The following SNTG1 variants were observed in gnomAD, a reference collection of about 807,000 sequenced individuals.
SNTG1 encodes gamma-1-syntrophin.
Under a neutral mutation model 74.7 loss-of-function variants are expected in SNTG1, and 39 were observed. The ratio of observed to expected loss-of-function variants is 0.52; its 90% CI spans 0.40 to 0.68. The LOEUF is 0.68. Ranked by LOEUF, SNTG1 falls within the 30% of genes least tolerant of loss-of-function variation. The pLI, the probability that SNTG1 is intolerant of heterozygous loss-of-function variation, is 0.00. For synonymous variants in SNTG1, 254 were observed against 217.1 expected (o/e 1.17, Z -1.49); for missense variants, 685 against 609.5 (o/e 1.12, Z -1.30).
At chr8:49,964,877 T>C (rs1811005293) in intron 1 of SNTG1, among the ~76,000 whole-genome samples, 1 of 152,222 alleles carries the variant, frequency 6.6e-6, no homozygotes. Context: ...GTGTATTTCA[T>C]TTTTTCTATA....
chr8:50,326,825 T>G (rs1287080269), intron 2 of SNTG1, among the ~76,000 whole-genome samples: 1 of 152,068 alleles, frequency 6.6e-6, no homozygotes, highest in East Asian at 1.9e-4. Context: ...ATGCAGTATA[T>G]GTCCTAAATT....
chr8:50,654,612 T>C (rs1585973616), intron 13 of SNTG1, among the ~76,000 whole-genome samples: 1 of 152,348 alleles, frequency 6.6e-6, no homozygotes, highest in South Asian at 2.1e-4. Context: ...CATGAAGTTT[T>C]ATTTCCTTAT....
At chr8:50,161,392 T>C (rs1388586394) in intron 1 of SNTG1, among the ~76,000 whole-genome samples, 1 of 152,204 alleles carries the variant, frequency 6.6e-6, no homozygotes, top group Non-Finnish European at 1.5e-5. Context: ...ATTGATTGTA[T>C]AGGGCCAAAG....
chr8:49,961,281 T>C (rs892324107), intron 1 of SNTG1, among the ~76,000 whole-genome samples: 2 of 152,260 alleles, frequency 1.3e-5, no homozygotes, highest in Non-Finnish European at 1.5e-5. Flanking sequence ...ATTGATATTT[T>C]ATTTAAACAT....
intron 18 of SNTG1, among the ~76,000 whole-genome samples, chr8:50,786,529 T>C (rs2095675690): frequency 6.6e-6 from 1 of 151,914 alleles, no homozygotes; most frequent in African/African-American, 2.4e-5. Context: ...GTATATGAAA[T>C]CCAGTATAGC....
intron 4 of SNTG1, among the ~76,000 whole-genome samples, chr8:50,420,616 C>T (rs904675568): frequency 6.6e-6 from 1 of 152,062 alleles, no homozygotes; most frequent in Non-Finnish European, 1.5e-5. Flanking sequence ...AAATATAATA[C>T]ATTTTCCTTT....
At chr8:50,066,740 G>A (rs1820929872) in intron 1 of SNTG1, among the ~76,000 whole-genome samples, 1 of 152,124 alleles carries the variant, frequency 6.6e-6, no homozygotes, top group Admixed American at 6.6e-5. Context: ...AGGATTTAAT[G>A]GGAATATTCT....
chr8:50,156,321 G>A lies in SNTG1; in HGVS notation c.-102-16240G>A, dbSNP rs571919859. 5.7e-3 allele frequency among the ~76,000 whole-genome samples: 866 copies of A among 152,158 alleles called. 10 individuals are homozygous for A. Among genetic ancestry groups the A allele is most frequent in the African/African-American group, 0.019 (809 of 41,546 alleles). ...TCCAGTATTGTCAAGTGCTATAGCA[G>A]AATGAAAATGTATTAAAATTACGGA... On this transcript the variant is annotated intron_variant, in intron 1 of 18. Transcript: ENST00000642720.
intron 1 of SNTG1, among the ~76,000 whole-genome samples, chr8:50,096,091 T>C (rs2079916332): frequency 6.6e-6 from 1 of 152,170 alleles, no homozygotes; most frequent in Non-Finnish European, 1.5e-5. Flanking sequence ...CCATTTTAAA[T>C]CTTTATAATG....
intron 1 of SNTG1, among the ~76,000 whole-genome samples, chr8:50,040,134 C>G (rs1011258834): frequency 1.7e-4 from 26 of 152,088 alleles, no homozygotes; most frequent in African/African-American, 5.8e-4. Flanking sequence ...ACACCACTGA[C>G]TAAGCACCTG....
At chr8:50,295,060 C>T (rs2089300373) in intron 2 of SNTG1, among the ~76,000 whole-genome samples, 1 of 152,242 alleles carries the variant, frequency 6.6e-6, no homozygotes. Flanking sequence ...ATAGTATATA[C>T]CTATGGAGGT....
chr8:50,530,459 A>G (rs1453052527), intron 10 of SNTG1, among the ~76,000 whole-genome samples, 200 bp downstream of exon 10: 3 of 152,218 alleles, frequency 2.0e-5, no homozygotes, highest in Non-Finnish European at 4.4e-5. Flanking sequence ...TGTATGGATT[A>G]AGTTCTTTTG....
chr8:50,146,864 C>T (rs184863540), intron 1 of SNTG1, among the ~76,000 whole-genome samples: 1 of 150,252 alleles, frequency 6.7e-6, no homozygotes, highest in Non-Finnish European at 1.5e-5. Context: ...ATTTTTTGTT[C>T]TTTTTTTTTC....
chr8:50,167,061 G>C (rs1352033943), intron 1 of SNTG1, among the ~76,000 whole-genome samples: 1 of 133,110 alleles, frequency 7.5e-6, no homozygotes, highest in Admixed American at 8.3e-5. Flanking sequence ...TCATAGGTGG[G>C]AATTGAACAA....
intron 1 of SNTG1, among the ~76,000 whole-genome samples, chr8:49,980,086 C>T (rs559602064): frequency 3.3e-5 from 5 of 152,266 alleles, no homozygotes; most frequent in Admixed American, 1.3e-4. Flanking sequence ...GCAGGTATGT[C>T]CACATTGTTG....
intron 1 of SNTG1, among the ~76,000 whole-genome samples, chr8:50,007,960 C>A (rs904432091): frequency 6.6e-6 from 1 of 152,030 alleles, no homozygotes; most frequent in African/African-American, 2.4e-5. Context: ...GGAACTGCAA[C>A]ACACTTTTAA....
intron 8 of SNTG1, among the ~76,000 whole-genome samples, chr8:50,460,187 C>T (rs146900499): frequency 1.3e-5 from 2 of 151,994 alleles, no homozygotes; most frequent in African/African-American, 2.4e-5. Context: ...CTGAATGGTG[C>T]GAGATGGTAT....
chr8:50,665,035 A>G (rs2095243877), intron 15 of SNTG1, among the ~76,000 whole-genome samples: 1 of 152,152 alleles, frequency 6.6e-6, no homozygotes, highest in Non-Finnish European at 1.5e-5. Flanking sequence ...ATTTTTTTAA[A>G]CAGTATTTTT....
At chr8:50,304,823 T>G (rs2130700285) in intron 2 of SNTG1, among the ~76,000 whole-genome samples, 1 of 152,302 alleles carries the variant, frequency 6.6e-6, no homozygotes, top group African/African-American at 2.4e-5. Flanking sequence ...TCGCAATCTC[T>G]CTTGTCATTT....
Sources: gnomAD v4.1 joint callset for allele counts (sites outside exome capture counted in the v4.1 genomes callset) on GRCh38, gnomAD v4.1.1 for gene constraint, MANE v1.5 for transcripts, NCBI Gene and HGNC (gene_info 2026-07-23, HGNC 2026-07-21) for gene names.